Variants in CNTN4 observed in about 807,000 individuals in gnomAD.
CNTN4 encodes contactin-4.
A neutral mutation model predicts 122.5 loss-of-function variants in CNTN4; 77 were observed. That is an observed-to-expected ratio of 0.63 (90% CI 0.52 to 0.76). CNTN4 has a LOEUF of 0.76. Among genes scored for constraint, CNTN4 ranks in the 30% least tolerant of loss-of-function variants. CNTN4 has a pLI of 0.00. For synonymous variants in CNTN4, 512 were observed against 447.0 expected, an observed-to-expected ratio of 1.15 and a Z score of -1.83; for missense variants, 1,256 against 1,259.1, an observed-to-expected ratio of 1.00 and a Z score of 0.04.
At chr3:2,778,739 G>A (rs2091448237) in intron 6 of CNTN4, among the ~76,000 whole-genome samples, 2 of 152,088 alleles carry the variant, frequency 1.3e-5, no homozygotes, top group South Asian at 2.1e-4. Flanking sequence ...GCATAATGGG[G>A]GAGAGAGGGG....
rs141470573 is a variant in CNTN4, at chr3:2,404,374, T to C, written c.-89+65141T>C. ...CAGAATCCAGCAGGATGTGATTGTATGATTGAGGCCCTCATATTTTGCTGG... is the reference window on the plus strand; with the variant it reads ...CAGAATCCAGCAGGATGTGATTGTACGATTGAGGCCCTCATATTTTGCTGG... On this transcript the variant is annotated intron_variant, in intron 3 of 24. Transcript: ENST00000418658. Among the ~76,000 whole-genome samples, 410 of 152,256 alleles carry C rather than the reference T, an allele frequency of 2.7e-3. 4 individuals are homozygous for C. The highest frequency in any genetic ancestry group is 9.1e-3 in the African/African-American group (378 of 41,570).
intron 2 of CNTN4, among the ~76,000 whole-genome samples, chr3:2,232,707 G>A (rs773995998): frequency 1.3e-5 from 2 of 152,140 alleles, no homozygotes; most frequent in African/African-American, 2.4e-5. Flanking sequence ...TAACACTTTT[G>A]ATCTTTGCCA....
In CNTN4 at chr3:2,883,154, G is replaced by T; in HGVS notation, c.662G>T (p.Gly221Val). The T allele has an allele frequency of 6.2e-7, 1 of 1,612,548 alleles. No individual in the cohort carries two copies. The highest frequency in any genetic ancestry group is 1.3e-5 in the African/African-American group (1 of 74,994). Residue 221 changes from glycine (G) to valine (V), a missense_variant, in exon 9 of 25, where the codon GGT becomes GTT. Coordinates refer to ENST00000418658, the MANE Select transcript of CNTN4 (RefSeq NM_175607.3). ...CTTTATTTATTCACAGGAGTGATGG[G>T]TGAATATGAGCCCAAAATAGAAGTG... ...PLILRNDGVM[G>V]EYEPKIEVQF... is the part of the protein sequence containing the mutation.
intron 4 of CNTN4, among the ~76,000 whole-genome samples, chr3:2,679,448 C>T (rs2085047829): frequency 6.6e-6 from 1 of 152,114 alleles, no homozygotes; most frequent in South Asian, 2.1e-4. Flanking sequence ...TGAACAAATG[C>T]ACTCTGGTCA....
chr3:2,659,863 A>C (rs1039179645), intron 4 of CNTN4, among the ~76,000 whole-genome samples: 1 of 152,198 alleles, frequency 6.6e-6, no homozygotes, highest in Admixed American at 6.5e-5. Flanking sequence ...AAACCCAATA[A>C]CATGTAAATT....
At chr3:2,440,251 G>T (rs529704060) in intron 3 of CNTN4, among the ~76,000 whole-genome samples, 1 of 152,100 alleles carries the variant, frequency 6.6e-6, no homozygotes, top group East Asian at 1.9e-4. Flanking sequence ...GTAAACTATC[G>T]CAAGGACAAA....
chr3:2,273,240 G>A (rs150590801), intron 2 of CNTN4, among the ~76,000 whole-genome samples: 1,864 of 152,236 alleles, frequency 0.012, 21 homozygotes, highest in Middle Eastern at 0.031. Flanking sequence ...TTTTAAAATA[G>A]ATGGTTTTTC....
rs748853919 is a variant in CNTN4, at chr3:2,736,257, G to C, written c.98G>C (p.Ser33Thr). The change falls in exon 5 of 25, where the codon AGT becomes ACT. Residue 33 changes from serine (S) to threonine (T), a missense_variant. Coordinates refer to ENST00000418658, the MANE Select transcript of CNTN4 (RefSeq NM_175607.3). ...GGCCCGATTTTTATTCAAGAACCAA[G>C]TCCTGTAATGTTCCCTTTGGATTCT... The part of the protein sequence containing the change: ...LHGPIFIQEP[S>T]PVMFPLDSEE... 1 of 1,613,414 alleles carries C rather than the reference G, an allele frequency of 6.2e-7. No individual in the cohort carries two copies. Among genetic ancestry groups the C allele is most frequent in the African/African-American group, 1.3e-5 (1 of 74,842 alleles).
intron 2 of CNTN4, among the ~76,000 whole-genome samples, chr3:2,228,979 TG>T (rs1315099374): frequency 6.6e-6 from 1 of 152,172 alleles, no homozygotes; most frequent in Non-Finnish European, 1.5e-5. Context: ...ATATGGATCT[TG>T]TTTGCTTCTG....
intron 6 of CNTN4, among the ~76,000 whole-genome samples, chr3:2,793,440 A>G (rs529989595): frequency 6.6e-6 from 1 of 152,162 alleles, no homozygotes; most frequent in East Asian, 1.9e-4. Context: ...ATTTCCATCT[A>G]TAATGGAACA....
chr3:2,611,960 G>A (rs1284665940), intron 4 of CNTN4, among the ~76,000 whole-genome samples: 1 of 151,992 alleles, frequency 6.6e-6, no homozygotes, highest in Non-Finnish European at 1.5e-5. Context: ...AGGATATGTA[G>A]GAGATGGAGC....
At chr3:2,764,429 T>C in intron 6 of CNTN4, among the ~76,000 whole-genome samples, 1 of 152,160 alleles carries the variant, frequency 6.6e-6, no homozygotes, top group South Asian at 2.1e-4. Context: ...TGTGGTGGCA[T>C]AGAGCATGGT....
chr3:2,226,250 T>C (rs2039278281), intron 2 of CNTN4, among the ~76,000 whole-genome samples: 1 of 152,212 alleles, frequency 6.6e-6, no homozygotes, highest in Non-Finnish European at 1.5e-5. Context: ...TCCTTGAAGG[T>C]TGGACTTGCC....
intron 3 of CNTN4, among the ~76,000 whole-genome samples, chr3:2,393,184 G>C (rs1358451688): frequency 6.6e-6 from 1 of 152,118 alleles, no homozygotes. Flanking sequence ...TGTTCTGCCT[G>C]AGTGAGTACA....
intron 14 of CNTN4, among the ~76,000 whole-genome samples, chr3:3,003,689 A>G (rs1227695943): frequency 1.8e-5 from 2 of 109,544 alleles, no homozygotes; most frequent in African/African-American, 6.2e-5. Context: ...TGCACCAAAA[A>G]AAAAAAAAAA....
intron 12 of CNTN4, among the ~76,000 whole-genome samples, chr3:2,906,180 G>T (rs187825520): frequency 2.8e-4 from 42 of 151,950 alleles, no homozygotes; most frequent in African/African-American, 9.7e-4. Flanking sequence ...AGGGTCGGGG[G>T]AATCGGCGGG....
chr3:2,960,003 T>G (rs2094837041), intron 13 of CNTN4, among the ~76,000 whole-genome samples: 1 of 152,194 alleles, frequency 6.6e-6, no homozygotes, highest in Admixed American at 6.5e-5. Context: ...ATCTTCAAAG[T>G]CCTTTGAAAT....
At chr3:2,910,823 A>G (rs1479782301) in intron 12 of CNTN4, among the ~76,000 whole-genome samples, 2 of 152,174 alleles carry the variant, frequency 1.3e-5, no homozygotes, top group African/African-American at 2.4e-5. Context: ...GTGGGGGGTG[A>G]TTCATCAAGA....
At chr3:2,982,724 C>T (rs1577496960) in intron 13 of CNTN4, among the ~76,000 whole-genome samples, 1 of 152,126 alleles carries the variant, frequency 6.6e-6, no homozygotes, top group African/African-American at 2.4e-5. Context: ...GGGTCCCTGC[C>T]CATCTTTATA....
Sources: gnomAD v4.1 joint callset for allele counts (sites outside exome capture counted in the v4.1 genomes callset) on GRCh38, gnomAD v4.1.1 for gene constraint, MANE v1.5 for transcripts, NCBI Gene and HGNC (gene_info 2026-07-23, HGNC 2026-07-21) for gene names.